The following THRB variants were observed in gnomAD, a reference collection of about 807,000 sequenced individuals.
The protein encoded by THRB is nuclear receptor subfamily 1 group A member 2.
THRB carries 12 observed loss-of-function variants against 47.8 expected under a neutral mutation model. The observed-to-expected ratio is 0.25, with a 90% CI of 0.16 to 0.41. The LOEUF is 0.41. THRB is among the 10% of genes least tolerant of loss of function. The pLI, the probability that THRB is intolerant of heterozygous loss-of-function variation, is 1.00. For synonymous variants in THRB, 218 were observed against 212.2 expected, an observed-to-expected ratio of 1.03 and a Z score of -0.24; for missense variants, 348 against 589.2, an observed-to-expected ratio of 0.59 and a Z score of 4.24.
chr3:24,239,024 C>G (rs531276830), intron 3 of THRB, among the ~76,000 whole-genome samples: 16 of 151,424 alleles, frequency 1.1e-4, no homozygotes, highest in Non-Finnish European at 2.4e-4. Context: ...TCACAGCAAT[C>G]TCTTTCTCCT....
At chr3:24,272,577 G>T (rs540525778) in intron 3 of THRB, among the ~76,000 whole-genome samples, 1 of 152,196 alleles carries the variant, frequency 6.6e-6, no homozygotes. Flanking sequence ...ACCCTTATTT[G>T]GGGGTACATC....
chr3:24,127,802 G>A (rs780223397), intron 9 of THRB, 45 bp from the exon 10 acceptor site: 3 of 1,610,656 alleles, frequency 1.9e-6, no homozygotes, highest in African/African-American at 1.3e-5. Context: ...ATGCAAAAAT[G>A]CCAGTCAGGA....
chr3:24,238,305 G>GTATGTGTGTC, intron 3 of THRB, among the ~76,000 whole-genome samples: 1 of 140,818 alleles, frequency 7.1e-6, no homozygotes, highest in Non-Finnish European at 1.5e-5. Context: ...TGTGGGGTGT[G>GTATGTGTGTC]TGTGTGATGA....
At chr3:24,300,406 C>T (rs937685245) in intron 2 of THRB, among the ~76,000 whole-genome samples, 3 of 152,012 alleles carry the variant, frequency 2.0e-5, no homozygotes, top group Non-Finnish European at 4.4e-5. Context: ...ATCCATGATA[C>T]ACGTGCACCA....
chr3:24,278,243 G>T (rs570832133), intron 3 of THRB, among the ~76,000 whole-genome samples: 1 of 152,294 alleles, frequency 6.6e-6, no homozygotes, highest in Non-Finnish European at 1.5e-5. Context: ...AAGCCATAAT[G>T]ATGTCTGGCT....
intron 1 of THRB, among the ~76,000 whole-genome samples, chr3:24,405,300 T>C (rs180759836): frequency 1.1e-4 from 17 of 152,042 alleles, no homozygotes; most frequent in African/African-American, 3.9e-4. Flanking sequence ...ACTTCCTATT[T>C]TCACAAATAA....
intron 3 of THRB, among the ~76,000 whole-genome samples, chr3:24,266,810 G>T (rs762131838): frequency 1.3e-5 from 2 of 151,854 alleles, no homozygotes; most frequent in Admixed American, 6.6e-5. Flanking sequence ...GAAAAAATCT[G>T]GACAGACCTT....
chr3:24,331,355 CTA>C (rs1386423256), intron 2 of THRB, among the ~76,000 whole-genome samples: 2 of 152,116 alleles, frequency 1.3e-5, no homozygotes, highest in Non-Finnish European at 1.5e-5. Flanking sequence ...AACTTAACAA[CTA>C]TTTTCTCCCC....
chr3:24,270,232 C>T (rs2053180772), intron 3 of THRB, among the ~76,000 whole-genome samples: 1 of 152,168 alleles, frequency 6.6e-6, no homozygotes, highest in Admixed American at 6.5e-5. Flanking sequence ...AAAGGCATGC[C>T]TGATGTGTTA....
At chr3:24,312,249 G>A (rs80264341) in intron 2 of THRB, among the ~76,000 whole-genome samples, 10,299 of 152,304 alleles carry the variant, frequency 0.068, 359 homozygotes, top group African/African-American at 0.099. Flanking sequence ...ACTCCTCATT[G>A]TAATTATCTT....
At chr3:24,232,812 A>C (rs1368334619) in intron 3 of THRB, among the ~76,000 whole-genome samples, 1 of 152,204 alleles carries the variant, frequency 6.6e-6, no homozygotes, top group Non-Finnish European at 1.5e-5. Flanking sequence ...AGTGACATTT[A>C]AGAGGTAGAA....
intron 1 of THRB, among the ~76,000 whole-genome samples, chr3:24,434,274 T>C (rs752600431): frequency 4.6e-5 from 7 of 152,206 alleles, no homozygotes; most frequent in Non-Finnish European, 7.3e-5. Flanking sequence ...TAGATTTGCC[T>C]TGGAGCCTTC....
At chr3:24,217,201 A>G (rs2149945516) in intron 4 of THRB, among the ~76,000 whole-genome samples, 1 of 152,028 alleles carries the variant, frequency 6.6e-6, no homozygotes, top group East Asian at 1.9e-4. Flanking sequence ...AAATGTTTCT[A>G]ACCTGAGGTC....
intron 1 of THRB, among the ~76,000 whole-genome samples, chr3:24,461,419 G>A (rs747480145): frequency 6.6e-6 from 1 of 152,182 alleles, no homozygotes; most frequent in Non-Finnish European, 1.5e-5. Context: ...AACAGTAGCT[G>A]CTACTCTTAG....
At chr3:24,398,333 C>G (rs1413190224) in intron 1 of THRB, among the ~76,000 whole-genome samples, 2 of 152,170 alleles carry the variant, frequency 1.3e-5, no homozygotes, top group Non-Finnish European at 2.9e-5. Flanking sequence ...ATCTACTCAT[C>G]TGACAAAGGG....
chr3:24,469,399 G>A (rs571433687), intron 1 of THRB, among the ~76,000 whole-genome samples: 5 of 152,112 alleles, frequency 3.3e-5, no homozygotes, highest in Non-Finnish European at 7.4e-5. Flanking sequence ...AAAACACCTC[G>A]GTAAACTCCA....
intron 2 of THRB, among the ~76,000 whole-genome samples, chr3:24,307,739 A>T (rs1466810367): frequency 6.6e-6 from 1 of 152,174 alleles, no homozygotes; most frequent in African/African-American, 2.4e-5. Flanking sequence ...TATGACTGCA[A>T]ATTGCTGTTC....
intron 1 of THRB, among the ~76,000 whole-genome samples, chr3:24,376,940 A>C (rs1306364136): frequency 6.7e-6 from 1 of 150,334 alleles, no homozygotes; most frequent in East Asian, 1.9e-4. Flanking sequence ...TCTGTCTCAT[A>C]CTTTTTTTTC....
At chr3:24,440,677 T>C (rs958510867) in intron 1 of THRB, among the ~76,000 whole-genome samples, 2 of 152,090 alleles carry the variant, frequency 1.3e-5, no homozygotes, top group African/African-American at 2.4e-5. Flanking sequence ...GTATATAGAA[T>C]ATAATTTCAG....
Sources: allele counts gnomAD v4.1 joint callset (sites outside exome capture counted in the v4.1 genomes callset), GRCh38; gene constraint gnomAD v4.1.1; transcripts MANE v1.5; gene names NCBI Gene and HGNC (gene_info 2026-07-23, HGNC 2026-07-21).